The following NFATC1 variants were observed in gnomAD, a reference collection of about 807,000 sequenced individuals.
The protein encoded by NFATC1 is nuclear factor of activated T-cells, cytoplasmic 1.
NFATC1 carries 22 observed loss-of-function variants against 76.0 expected under a neutral mutation model. That is an observed-to-expected ratio of 0.29 (90% confidence interval 0.21 to 0.41). The LOEUF (loss-of-function observed/expected upper bound fraction) is 0.41, where lower values mean the gene tolerates loss of function less well. NFATC1 is among the 10% of genes least tolerant of loss of function. The probability of loss-of-function intolerance (pLI) is 1.00; values close to 1 mark genes in which losing one functional copy is unlikely to be tolerated. For synonymous variants in NFATC1, 704 were observed against 613.1 expected (o/e 1.15, Z -2.19); for missense variants, 1,357 against 1,337.7 (o/e 1.01, Z -0.23).
chr18:79,504,402 G>A (rs1208535237), intron 9 of NFATC1, among the ~76,000 whole-genome samples: 1 of 152,138 alleles, frequency 6.6e-6, no homozygotes, highest in Non-Finnish European at 1.5e-5. Flanking sequence ...TGAGCCCAGG[G>A]AGAGAGATAG....
chr18:79,485,331 A>G (rs1284786376), intron 8 of NFATC1, among the ~76,000 whole-genome samples: 1 of 152,270 alleles, frequency 6.6e-6, no homozygotes, highest in Non-Finnish European at 1.5e-5. Context: ...TGAGAGCTTT[A>G]GAGCCACTGA....
At chr18:79,509,907 G>A (rs1381021248) in intron 9 of NFATC1, among the ~76,000 whole-genome samples, 2 of 152,194 alleles carry the variant, frequency 1.3e-5, no homozygotes, top group Non-Finnish European at 2.9e-5. Flanking sequence ...TCGGCGCCAG[G>A]TACCACACTG....
At position 79,486,435 on chromosome 18, in the gene NFATC1, G is replaced by T. The variant is rs1063671; in HGVS notation, c.2280G>T (p.Ala760=). The T allele has an allele frequency of 6.2e-7, 1 of 1,612,120 alleles. No homozygotes were observed. Among genetic ancestry groups the T allele is most frequent in the Non-Finnish European group, 8.5e-7 (1 of 1,179,838 alleles). Residue 760 remains alanine (A), a synonymous_variant, in exon 9 of 10, where the codon GCG becomes GCT. Coordinates refer to ENST00000427363, the MANE Select transcript of NFATC1 (RefSeq NM_001278669.2). ...PCPQRSTLMP[A]APGVSPKLHD... The stretch of plus-strand genomic sequence containing the variant: ...CGCAGAGAAGCACCCTGATGCCAGC[G>T]GCCCCTGGCGTGAGCCCCAAGCTCC...
chr18:79,399,032 A>C (rs1384124443), intron 1 of NFATC1, among the ~76,000 whole-genome samples: 1 of 152,224 alleles, frequency 6.6e-6, no homozygotes, highest in East Asian at 1.9e-4. Flanking sequence ...GCACCACTGC[A>C]CTCCAGCCTG....
intron 3 of NFATC1, among the ~76,000 whole-genome samples, chr18:79,447,638 G>A (rs1007583770): frequency 2.1e-4 from 32 of 152,310 alleles, no homozygotes; most frequent in Admixed American, 1.8e-3. Context: ...AAGGCACTCT[G>A]AACGAGGGGC....
At chr18:79,515,336 C>A (rs1254854358) in intron 9 of NFATC1, among the ~76,000 whole-genome samples, 1 of 128,912 alleles carries the variant, frequency 7.8e-6, no homozygotes, top group Non-Finnish European at 1.6e-5. Flanking sequence ...AAGACTCCAT[C>A]TCAAAAAAAA....
intron 1 of NFATC1, 59 bp downstream of exon 1, chr18:79,396,410 C>T: frequency 9.5e-7 from 1 of 1,052,548 alleles, no homozygotes; most frequent in South Asian, 4.5e-5. Context: ...CCGGGCCGCG[C>T]CCCCCGACCC....
At chr18:79,507,888 C>T (rs1242558592) in intron 9 of NFATC1, among the ~76,000 whole-genome samples, 3 of 152,242 alleles carry the variant, frequency 2.0e-5, no homozygotes, top group Non-Finnish European at 2.9e-5. Context: ...GGCCACCGTC[C>T]CGCGGGAAGC....
chr18:79,431,017 G>A (rs2086570877), intron 2 of NFATC1, among the ~76,000 whole-genome samples: 1 of 152,200 alleles, frequency 6.6e-6, no homozygotes, highest in South Asian at 2.1e-4. Flanking sequence ...ATCACCTCAC[G>A]TGGGAAACAG....
At chr18:79,446,129 A>C (rs2087196635) in intron 3 of NFATC1, among the ~76,000 whole-genome samples, 1 of 152,252 alleles carries the variant, frequency 6.6e-6, no homozygotes, top group East Asian at 1.9e-4. Flanking sequence ...AGAGGCAGAA[A>C]GCCCATGCAG....
chr18:79,398,291 C>T (rs1242582621), intron 1 of NFATC1, among the ~76,000 whole-genome samples: 2 of 152,176 alleles, frequency 1.3e-5, no homozygotes, highest in African/African-American at 4.8e-5. Context: ...ACAAAGCTCA[C>T]CCTGTTCTCT....
chr18:79,435,807 C>T (rs1002795985), intron 3 of NFATC1, among the ~76,000 whole-genome samples: 6 of 152,222 alleles, frequency 3.9e-5, no homozygotes, highest in Non-Finnish European at 4.4e-5. Flanking sequence ...TGCGCAGCAG[C>T]GACACGGGAG....
At chr18:79,476,052 G>A (rs539462299) in intron 8 of NFATC1, among the ~76,000 whole-genome samples, 2 of 152,198 alleles carry the variant, frequency 1.3e-5, no homozygotes, top group South Asian at 4.1e-4. Flanking sequence ...TGGGATGAGA[G>A]GGCGGGAAGG....
chr18:79,426,286 C>T (rs991011909), intron 2 of NFATC1, among the ~76,000 whole-genome samples: 2 of 145,050 alleles, frequency 1.4e-5, no homozygotes, highest in African/African-American at 5.5e-5. Flanking sequence ...GCATCTCTGT[C>T]GCGAGCTTTC....
chr18:79,408,200 C>T (rs1409645788), intron 1 of NFATC1, among the ~76,000 whole-genome samples: 2 of 152,118 alleles, frequency 1.3e-5, no homozygotes, highest in African/African-American at 2.4e-5. Flanking sequence ...GGCATTTATC[C>T]GTGTTGGTTT....
chr18:79,509,941 A>T (rs1206114726), intron 9 of NFATC1, among the ~76,000 whole-genome samples: 1 of 152,188 alleles, frequency 6.6e-6, no homozygotes, highest in Non-Finnish European at 1.5e-5. Context: ...CTTCCATTTA[A>T]AGTTAACCAC....
intron 8 of NFATC1, among the ~76,000 whole-genome samples, chr18:79,472,474 T>TG (rs2144963170): frequency 6.6e-6 from 1 of 152,354 alleles, no homozygotes; most frequent in East Asian, 1.9e-4. Context: ...TCCCTGGACT[T>TG]TCCAACTCAC....
At position 79,411,352 on chromosome 18, in the gene NFATC1, C is replaced by T. The variant is rs1251219000; in HGVS notation, c.1077C>T (p.Ser359=). The T allele has an allele frequency of 1.3e-6, 2 of 1,589,916 alleles. No homozygotes were observed. The highest frequency in any genetic ancestry group is 8.5e-7 in the Non-Finnish European group (1 of 1,170,776). ...KVEPVGEDLG[S]PPPPADFAPE... ...AGCCCGTCGGGGAGGACCTGGGCAG[C>T]CCCCCGCCCCCGGCCGACTTCGCGC... Residue 359 remains serine (S), a synonymous_variant, in exon 2 of 10, where the codon AGC becomes AGT. Coordinates refer to ENST00000427363, the MANE Select transcript of NFATC1 (RefSeq NM_001278669.2).
At chr18:79,450,300 A>G (rs912058325) in intron 4 of NFATC1, among the ~76,000 whole-genome samples, 1 of 152,148 alleles carries the variant, frequency 6.6e-6, no homozygotes, top group African/African-American at 2.4e-5. Context: ...GAAATTGTTA[A>G]GAGGTTATAT....
Sources: allele counts gnomAD v4.1 joint callset (sites outside exome capture counted in the v4.1 genomes callset), GRCh38; gene constraint gnomAD v4.1.1; transcripts MANE v1.5; gene names NCBI Gene and HGNC (gene_info 2026-07-23, HGNC 2026-07-21).